The following ETV6 variants were observed in gnomAD, a reference collection of about 807,000 sequenced individuals.
The protein encoded by ETV6 is ETS variant transcription factor 6.
ETV6 carries 16 observed loss-of-function variants against 51.1 expected under a neutral mutation model. The observed-to-expected ratio is 0.31, with a 90% CI of 0.21 to 0.48. The LOEUF (loss-of-function observed/expected upper bound fraction) is 0.48. Among genes scored for constraint, ETV6 ranks in the 20% least tolerant of loss-of-function variants. ETV6 has a pLI of 0.99. For synonymous variants in ETV6, 240 were observed against 224.1 expected, an observed-to-expected ratio of 1.07 and a Z score of -0.64; for missense variants, 458 against 594.8, an observed-to-expected ratio of 0.77 and a Z score of 2.39.
intron 1 of ETV6, 24 bp from the exon 2 acceptor site, chr12:11,752,426 T>G (rs1293729297): frequency 1.9e-6 from 3 of 1,599,224 alleles, no homozygotes; most frequent in Non-Finnish European, 2.6e-6. Context: ...CCCCCTCCCC[T>G]CTTCCTGCCC....
intron 2 of ETV6, among the ~76,000 whole-genome samples, chr12:11,816,088 A>G (rs1396918066): frequency 1.3e-5 from 2 of 152,204 alleles, no homozygotes; most frequent in African/African-American, 4.8e-5. Context: ...GGGGTGGCAC[A>G]TGCGAAGGCC....
Position 11,839,136 on chromosome 12 carries a change from A to G in ETV6, c.164-4A>G, listed in dbSNP as rs773750057. ...TTCTTTCTGCCTCATGCTCTCTCCA[A>G]CAGGCTTGCAGCCAATTTACTGGAG... On this transcript the variant is annotated splice_polypyrimidine_tract_variant and splice_region_variant and intron_variant, in intron 2 of 7. Transcript: ENST00000396373. 3.7e-6 allele frequency: 6 copies of G among 1,613,354 alleles called. No individual in the cohort carries two copies. The African/African-American group carries it at 4.0e-5, about 11-fold the overall frequency.
In ETV6 at chr12:11,860,522, GA is replaced by G. The variant is rs560146384; in HGVS notation, c.463+6964del. Among the ~76,000 whole-genome samples, 819 of 150,452 alleles carry G rather than the reference GA, an allele frequency of 5.4e-3. 4 individuals carry two copies. Among genetic ancestry groups the G allele is most frequent in the African/African-American group, 0.019 (772 of 40,842 alleles). Reference sequence around the variant, plus strand: ...TATCTCAAAGGGTTGACATAAGAAAGAAATGAGTCTCCAGCCTGGGCGACAG... The same window carrying G: ...TATCTCAAAGGGTTGACATAAGAAAGAATGAGTCTCCAGCCTGGGCGACAG... On this transcript the variant is annotated intron_variant, in intron 4 of 7. Coordinates refer to ENST00000396373, the MANE Select transcript of ETV6 (RefSeq NM_001987.5).
intron 2 of ETV6, among the ~76,000 whole-genome samples, chr12:11,772,606 T>A (rs529575802): frequency 2.6e-5 from 4 of 152,184 alleles, no homozygotes; most frequent in African/African-American, 9.7e-5. Flanking sequence ...AGTAATTGAT[T>A]GCATATTTCC....
intron 1 of ETV6, among the ~76,000 whole-genome samples, chr12:11,715,089 C>G (rs1196717649): frequency 2.0e-5 from 3 of 152,078 alleles, no homozygotes; most frequent in African/African-American, 7.2e-5. Context: ...AAGACCATGT[C>G]TTTTTTGTTT....
chr12:11,783,029 G>GA (rs1195518248), intron 2 of ETV6, among the ~76,000 whole-genome samples: 2 of 152,172 alleles, frequency 1.3e-5, no homozygotes, highest in Non-Finnish European at 2.9e-5. Flanking sequence ...ATCTAGGTGA[G>GA]AAAAAAATAA....
chr12:11,769,014 T>A, intron 2 of ETV6: 1 of 453,560 alleles, frequency 2.2e-6, no homozygotes, highest in South Asian at 1.6e-5. Context: ...AGTACAAAGA[T>A]AAGCAAGGAA....
intron 2 of ETV6, among the ~76,000 whole-genome samples, chr12:11,819,627 C>T (rs1010588397): frequency 6.6e-6 from 1 of 152,216 alleles, no homozygotes; most frequent in African/African-American, 2.4e-5. Context: ...TGGGCGGGCC[C>T]CTCTATTCAT....
chr12:11,796,968 G>A (rs760661036), intron 2 of ETV6, among the ~76,000 whole-genome samples: 2 of 152,026 alleles, frequency 1.3e-5, no homozygotes, highest in Non-Finnish European at 2.9e-5. Flanking sequence ...TAAAATTTTT[G>A]TAGACACAAG....
intron 1 of ETV6, among the ~76,000 whole-genome samples, chr12:11,688,357 ATGTTGGGTGCAT>A (rs903420314): frequency 3.3e-5 from 5 of 152,182 alleles, no homozygotes; most frequent in African/African-American, 1.2e-4. Context: ...AGCAAGAGGA[ATGTTGGGTGCAT>A]TGCAGGGCAG....
intron 2 of ETV6, among the ~76,000 whole-genome samples, chr12:11,805,208 G>T (rs957591669): frequency 1.3e-5 from 2 of 152,136 alleles, no homozygotes; most frequent in African/African-American, 4.8e-5. Flanking sequence ...ATGAAGTTCT[G>T]GTAGGAAAAC....
intron 2 of ETV6, among the ~76,000 whole-genome samples, chr12:11,789,379 C>T (rs910013708): frequency 6.6e-6 from 1 of 152,140 alleles, no homozygotes; most frequent in Non-Finnish European, 1.5e-5. Flanking sequence ...TTCACTAATT[C>T]ATCCGCCCTG....
At chr12:11,715,624 C>T (rs960812388) in intron 1 of ETV6, among the ~76,000 whole-genome samples, 1 of 152,262 alleles carries the variant, frequency 6.6e-6, no homozygotes, top group Non-Finnish European at 1.5e-5. Flanking sequence ...CTAATCAGTA[C>T]TCCCTGATGC....
chr12:11,657,408 A>G (rs925432506), intron 1 of ETV6, among the ~76,000 whole-genome samples: 6 of 152,204 alleles, frequency 3.9e-5, no homozygotes, highest in African/African-American at 1.4e-4. Flanking sequence ...ATTAGTGTTC[A>G]TCATTGTGAC....
At chr12:11,724,344 C>T (rs920080843) in intron 1 of ETV6, among the ~76,000 whole-genome samples, 2 of 152,184 alleles carry the variant, frequency 1.3e-5, no homozygotes, top group East Asian at 1.9e-4. Flanking sequence ...AAGGCCTGTT[C>T]GTGGATCCTT....
intron 2 of ETV6, among the ~76,000 whole-genome samples, chr12:11,805,746 G>A (rs1042357814): frequency 6.6e-6 from 1 of 152,194 alleles, no homozygotes; most frequent in African/African-American, 2.4e-5. Context: ...GCTTTGGTGA[G>A]GATTGCAGAT....
intron 3 of ETV6, among the ~76,000 whole-genome samples, chr12:11,851,823 T>G (rs1440232378): frequency 1.3e-5 from 2 of 152,180 alleles, no homozygotes; most frequent in Non-Finnish European, 2.9e-5. Context: ...GAATAGGGTA[T>G]CCGTGGAGTT....
At chr12:11,823,459 T>C (rs1946110221) in intron 2 of ETV6, among the ~76,000 whole-genome samples, 1 of 148,076 alleles carries the variant, frequency 6.8e-6, no homozygotes, top group Non-Finnish European at 1.5e-5. Context: ...CACTAGAGAG[T>C]CCTTTTTTTC....
intron 2 of ETV6, among the ~76,000 whole-genome samples, chr12:11,800,337 T>C (rs1229871354): frequency 6.6e-6 from 1 of 152,226 alleles, no homozygotes; most frequent in African/African-American, 2.4e-5. Context: ...CATGATATTT[T>C]AATGTATGTA....
Sources: gnomAD v4.1 joint callset for allele counts (sites outside exome capture counted in the v4.1 genomes callset) on GRCh38, gnomAD v4.1.1 for gene constraint, MANE v1.5 for transcripts, NCBI Gene and HGNC (gene_info 2026-07-23, HGNC 2026-07-21) for gene names.